The following HYDIN variants were observed in gnomAD, a reference collection of about 807,000 sequenced individuals.
HYDIN encodes axonemal central pair apparatus protein HYDIN.
Under a neutral mutation model 403.9 loss-of-function variants are expected in HYDIN, and 132 were observed. The ratio of observed to expected loss-of-function variants is 0.33; its 90% CI spans 0.28 to 0.38. HYDIN has a LOEUF of 0.38. Among genes scored for constraint, HYDIN ranks in the 10% least tolerant of loss-of-function variants. The probability of loss-of-function intolerance (pLI) is 1.00; values close to 1 mark genes in which losing one functional copy is unlikely to be tolerated. For missense variants in HYDIN, 2,827 were observed against 5,009.5 expected, an observed-to-expected ratio of 0.56 and a Z score of 13.15; for synonymous variants, 1,202 against 1,891.7, an observed-to-expected ratio of 0.64 and a Z score of 9.46.
intron 9 of HYDIN, among the ~76,000 whole-genome samples, chr16:71,125,281 T>C (rs573389524): frequency 7.8e-4 from 118 of 152,102 alleles, no homozygotes; most frequent in African/African-American, 2.7e-3. Context: ...CAGTCCTGAA[T>C]CCCCTCCCAC....
chr16:70,848,466 T>C (rs556223428), intron 75 of HYDIN, among the ~76,000 whole-genome samples: 1 of 151,248 alleles, frequency 6.6e-6, no homozygotes, highest in East Asian at 2.0e-4. Context: ...GAAAATCAGA[T>C]CCTCCCTCCC....
At chr16:71,168,978 C>G (rs1212104008) in intron 5 of HYDIN, among the ~76,000 whole-genome samples, 2 of 152,106 alleles carry the variant, frequency 1.3e-5, no homozygotes, top group Admixed American at 1.3e-4. Context: ...ATAGAACTAC[C>G]ATATGATCTA....
intron 2 of HYDIN, among the ~76,000 whole-genome samples, chr16:71,186,036 G>A (rs1008621876): frequency 6.6e-6 from 1 of 152,126 alleles, no homozygotes; most frequent in African/African-American, 2.4e-5. Context: ...CAGCTATATT[G>A]TGATTTAAAT....
chr16:70,970,999 T>TTGG (rs1167752074), intron 35 of HYDIN, among the ~76,000 whole-genome samples: 1 of 152,234 alleles, frequency 6.6e-6, no homozygotes, highest in East Asian at 1.9e-4. Flanking sequence ...ATTCTAGCAC[T>TTGG]TGTACCAAGT....
At position 70,805,066 on chromosome 16, in the gene HYDIN, T is replaced by G. The variant is rs1173947474; in HGVS notation, c.*2514A>C. On this transcript the variant is annotated 3_prime_UTR_variant, in exon 86 of 86. Coordinates refer to ENST00000393567, the MANE Select transcript of HYDIN (RefSeq NM_001270974.2). ...AAGTACACCCTTTTGAAGAGTAGGG[T>G]GAGGGACCAATTGCTTCCCTTCTCC... 6.6e-6 allele frequency among the ~76,000 whole-genome samples: 1 copy of G among 152,166 alleles called. No individual in the cohort carries two copies. Among genetic ancestry groups the G allele is most frequent in the African/African-American group, 2.4e-5 (1 of 41,434 alleles).
At chr16:71,034,237 T>C (rs1290754077) in intron 18 of HYDIN, among the ~76,000 whole-genome samples, 1 of 152,152 alleles carries the variant, frequency 6.6e-6, no homozygotes, top group African/African-American at 2.4e-5. Flanking sequence ...AATTCTATGA[T>C]ATACTTCTTC....
At chr16:71,070,913 T>A (rs2082447796) in intron 13 of HYDIN, among the ~76,000 whole-genome samples, 2 of 149,838 alleles carry the variant, frequency 1.3e-5, no homozygotes, top group Admixed American at 1.3e-4. Flanking sequence ...TCCTTTGTGA[T>A]AACACACCTG....
At chr16:71,016,168 G>T (rs1015902841) in intron 23 of HYDIN, among the ~76,000 whole-genome samples, 2 of 152,186 alleles carry the variant, frequency 1.3e-5, no homozygotes, top group Admixed American at 1.3e-4. Context: ...GCAAAGGAAA[G>T]AATAGAGTGA....
chr16:70,876,083 G>T (rs1455557999), intron 62 of HYDIN, among the ~76,000 whole-genome samples: 3 of 151,864 alleles, frequency 2.0e-5, no homozygotes, highest in Non-Finnish European at 4.4e-5. Flanking sequence ...ATCTGTGAGA[G>T]TATAGAAATC....
Position 71,219,001 on chromosome 16 carries a change from A to C in HYDIN, c.-24+11561T>G, listed in dbSNP as rs374291538. 1.2e-4 allele frequency among the ~76,000 whole-genome samples: 19 copies of C among 152,336 alleles called. 1 individual carries two copies. Among genetic ancestry groups the C allele is most frequent in the African/African-American group, 4.3e-4 (18 of 41,584 alleles). ...TGCTTCCCACACTGTCATTATTTTA[A>C]AAGCCATGAGTACTGGTAATTGTTT... On this transcript the variant is annotated intron_variant, in intron 1 of 85. Coordinates refer to ENST00000393567, the MANE Select transcript of HYDIN (RefSeq NM_001270974.2).
chr16:71,003,935 GTTTCTTCCTT>G (rs2079806550), intron 23 of HYDIN, among the ~76,000 whole-genome samples: 1 of 151,342 alleles, frequency 6.6e-6, no homozygotes, highest in Non-Finnish European at 1.5e-5. Flanking sequence ...CATGACTTTT[GTTTCTTCCTT>G]TCCAAATCTA....
In HYDIN at chr16:70,985,288, A is replaced by G. The variant is rs2079157529; in HGVS notation, c.4229T>C (p.Leu1410Pro). ...AAAGCCAACTTTCCCCATGTTCGTC[A>G]GCGTGATTTCCCTCTCTGTGACATG... ...FDHVTEREIT[L>P]TNMGKVGFEF... Residue 1410 changes from leucine (L) to proline (P), a missense_variant, in exon 28 of 86, where the codon CTG (leucine) becomes CCG (proline). Transcript: ENST00000393567. 1 of 1,523,926 alleles carries G rather than the reference A, an allele frequency of 6.6e-7. No individual in the cohort carries two copies. The highest frequency in any genetic ancestry group is 1.7e-5 in the Admixed American group (1 of 57,360). 94.4% of individuals were successfully genotyped at this position (1,523,926 alleles called of 1,614,324 possible).
chr16:71,133,015 C>T, intron 8 of HYDIN: 1 of 276,326 alleles, frequency 3.6e-6, no homozygotes, highest in East Asian at 1.0e-4. Flanking sequence ...TCAGTAAAAC[C>T]ATGGGCTTAA....
intron 1 of HYDIN, among the ~76,000 whole-genome samples, chr16:71,203,330 G>C (rs2088119641): frequency 6.6e-6 from 1 of 152,176 alleles, no homozygotes. Context: ...CTGTATTGAA[G>C]TAAAAGTTTC....
intron 73 of HYDIN, among the ~76,000 whole-genome samples, 197 bp from the exon 74 acceptor site, chr16:70,850,852 A>G (rs2038592743): frequency 6.6e-6 from 1 of 152,202 alleles, no homozygotes; most frequent in African/African-American, 2.4e-5. Context: ...ACTAATGGAA[A>G]AAGATAGAGA....
At position 71,064,690 on chromosome 16, in the gene HYDIN, G is replaced by A. The variant is rs2082196855; in HGVS notation, c.2211+15C>T. 2 of 1,607,324 alleles carry A rather than the reference G, an allele frequency of 1.2e-6. No individual in the cohort carries two copies. The highest frequency in any genetic ancestry group is 2.2e-5 in the East Asian group (1 of 44,782). On this transcript the variant is annotated intron_variant, in intron 16 of 85. Coordinates refer to ENST00000393567, the MANE Select transcript of HYDIN (RefSeq NM_001270974.2). ...GGAAGAATAATTAATACTGAAGAAGGAGAAAGGAACTCACCTGAGGCTGGA... is the reference window on the plus strand; with the variant it reads ...GGAAGAATAATTAATACTGAAGAAGAAGAAAGGAACTCACCTGAGGCTGGA...
chr16:71,051,662 A>AC (rs2081650146), intron 18 of HYDIN, among the ~76,000 whole-genome samples: 1 of 112,308 alleles, frequency 8.9e-6, no homozygotes, highest in African/African-American at 3.2e-5. Context: ...AAAAAAAACA[A>AC]AAAAAACAAA....
intron 49 of HYDIN, among the ~76,000 whole-genome samples, 180 bp downstream of exon 49, chr16:70,908,072 A>G (rs566160823): frequency 6.6e-6 from 1 of 152,316 alleles, no homozygotes; most frequent in Non-Finnish European, 1.5e-5. Flanking sequence ...GAATCCTGGT[A>G]GTATCATGTC....
intron 1 of HYDIN, among the ~76,000 whole-genome samples, chr16:71,206,082 C>G (rs1002315872): frequency 2.0e-5 from 3 of 152,220 alleles, no homozygotes; most frequent in African/African-American, 7.2e-5. Flanking sequence ...CTACCCACCC[C>G]AAAGGCCCAT....
Sources: gnomAD v4.1 joint callset for allele counts (sites outside exome capture counted in the v4.1 genomes callset) on GRCh38, gnomAD v4.1.1 for gene constraint, MANE v1.5 for transcripts, NCBI Gene and HGNC (gene_info 2026-07-23, HGNC 2026-07-21) for gene names.